Variants in RBM19 observed in about 807,000 individuals in gnomAD.
RBM19 encodes RNA binding motif protein 19, also known as probable RNA-binding protein 19.
In RBM19, 94 loss-of-function variants were observed where a neutral mutation model predicts 116.8. That is an observed-to-expected ratio of 0.80 (90% CI 0.68 to 0.95). RBM19 has a LOEUF of 0.95. Ranked by LOEUF, RBM19 falls within the 40% of genes least tolerant of loss-of-function variation. The pLI is 0.00. For missense variants in RBM19, 1,161 were observed against 1,220.7 expected (o/e 0.95, Z 0.73); for synonymous variants, 475 against 494.1 (o/e 0.96, Z 0.51).
At chr12:113,904,686 C>T (rs953235362) in intron 21 of RBM19, among the ~76,000 whole-genome samples, 1 of 152,170 alleles carries the variant, frequency 6.6e-6, no homozygotes, top group Non-Finnish European at 1.5e-5. Context: ...CCCCCAAACA[C>T]ACATAGACAC....
intron 21 of RBM19, among the ~76,000 whole-genome samples, chr12:113,912,848 C>T (rs1244764529): frequency 1.3e-5 from 2 of 152,176 alleles, no homozygotes; most frequent in Middle Eastern, 3.2e-3. Context: ...TCTGGGGCTT[C>T]CCTGGACAAT....
At chr12:113,823,440 G>A (rs1874596303) in intron 23 of RBM19, 119 bp from the exon 24 acceptor site, 2 of 793,808 alleles carry the variant, frequency 2.5e-6, no homozygotes, top group Non-Finnish European at 4.1e-6. Context: ...CAAGGGTGCG[G>A]GGAGACAGAA....
downstream of RBM19, among the ~76,000 whole-genome samples, chr12:113,821,184 AC>A (rs1874391789): frequency 6.6e-6 from 1 of 152,042 alleles, no homozygotes; most frequent in Non-Finnish European, 1.5e-5. Flanking sequence ...ATGTCTGCTC[AC>A]CCCGCACCAA....
At chr12:113,931,884 T>C (rs1008590176) in intron 16 of RBM19, among the ~76,000 whole-genome samples, 1 of 152,196 alleles carries the variant, frequency 6.6e-6, no homozygotes, top group Non-Finnish European at 1.5e-5. Flanking sequence ...CAGAGCCCTG[T>C]CCTATTCCAT....
intron 16 of RBM19, among the ~76,000 whole-genome samples, chr12:113,928,685 C>G (rs1869347020): frequency 7.1e-6 from 1 of 140,352 alleles, no homozygotes; most frequent in African/African-American, 2.7e-5. Context: ...GAGTTGGGAA[C>G]AGGGAGACTA....
chr12:113,858,817 C>T lies in RBM19; in HGVS notation c.2638G>A (p.Asp880Asn). Reference protein sequence around the residue: ...TGTHRGFGFVDFLTKQDAKRA... With the variant: ...TGTHRGFGFVNFLTKQDAKRA... The stretch of plus-strand genomic sequence containing the variant: ...TTCGCATCCTGCTTGGTGAGGAAGT[C>T]CACAAAGCCGAAGCCTCTGTGTGTG... Residue 880 changes from aspartate to asparagine, a missense_variant, in exon 22 of 24, where the codon GAC becomes AAC. Transcript: ENST00000261741. 6.2e-7 allele frequency: 1 copy of T among 1,614,104 alleles called. No individual in the cohort carries two copies. The highest frequency in any genetic ancestry group is 1.3e-5 in the African/African-American group (1 of 75,020).
rs753140914 is a variant in RBM19 at position 113,945,815 on chromosome 12, G to A, written c.1626+13C>T. 14 of 1,528,152 alleles carry A rather than the reference G, an allele frequency of 9.2e-6. No homozygotes were observed. The highest frequency in any genetic ancestry group is 6.7e-5 in the Admixed American group (4 of 59,588). The allele number at this position is 1,528,152 out of a possible 1,614,324, so 94.7% of individuals were successfully genotyped here. A position where few individuals can be genotyped will look rare whatever the true frequency, so the allele number is the denominator to read the frequency against. On this transcript the variant is annotated intron_variant, in intron 13 of 23. Coordinates refer to ENST00000261741, the MANE Select transcript of RBM19 (RefSeq NM_016196.4). Reference sequence around the variant, plus strand: ...GCCCAGATCCCAGAGAGGACTGGTCGGCCCTTACTCACGTGGTCAAACACT... The same window carrying A: ...GCCCAGATCCCAGAGAGGACTGGTCAGCCCTTACTCACGTGGTCAAACACT...
At chr12:113,957,462 G>A (rs1872042296) in intron 6 of RBM19, among the ~76,000 whole-genome samples, 1 of 152,132 alleles carries the variant, frequency 6.6e-6, no homozygotes, top group Non-Finnish European at 1.5e-5. Flanking sequence ...AGCTACTCAG[G>A]AGGCTGAGGC....
intron 13 of RBM19, among the ~76,000 whole-genome samples, 166 bp from the exon 14 acceptor site, chr12:113,942,600 T>A (rs1199943842): frequency 6.6e-6 from 1 of 150,780 alleles, no homozygotes; most frequent in African/African-American, 2.4e-5. Context: ...TGTGCTTTTT[T>A]TTTTTTTTTT....
chr12:113,926,003 A>G (rs1317416473), intron 17 of RBM19, among the ~76,000 whole-genome samples: 1 of 152,234 alleles, frequency 6.6e-6, no homozygotes, highest in Non-Finnish European at 1.5e-5. Context: ...GTGGGTTTCC[A>G]ATTGCTGAAG....
At chr12:113,872,374 A>T (rs75196884) in intron 21 of RBM19, among the ~76,000 whole-genome samples, 26 of 138,140 alleles carry the variant, frequency 1.9e-4, no homozygotes, top group Non-Finnish European at 3.7e-4. Flanking sequence ...CCCGGCAGCC[A>T]CCCCGTCCGG....
intron 23 of RBM19, among the ~76,000 whole-genome samples, chr12:113,828,692 G>A (rs564598061): frequency 1.3e-5 from 2 of 152,280 alleles, no homozygotes; most frequent in African/African-American, 4.8e-5. Flanking sequence ...GGTACCGCAG[G>A]GGGGCTGGGC....
intron 21 of RBM19, among the ~76,000 whole-genome samples, chr12:113,869,373 A>G (rs924487349): frequency 1.3e-5 from 2 of 152,246 alleles, no homozygotes; most frequent in East Asian, 3.9e-4. Context: ...TCCCTTGGGC[A>G]GGGCAAGCCC....
At position 113,947,466 on chromosome 12, in the gene RBM19, T is replaced by G; in HGVS notation, c.1277-2A>C. ...GGTAGTGGAGCTCAGACAGGGGACC[T>G]GAGGACAGGAGAAGTGTCGGTCTCT... On this transcript the variant is annotated splice_acceptor_variant, in intron 10 of 23. Coordinates refer to ENST00000261741, the MANE Select transcript of RBM19 (RefSeq NM_016196.4). LOFTEE classifies it high-confidence loss of function. 6.3e-7 allele frequency: 1 copy of G among 1,595,208 alleles called. No homozygotes were observed. Among genetic ancestry groups the G allele is most frequent in the Non-Finnish European group, 8.6e-7 (1 of 1,164,982 alleles).
At chr12:113,864,517 C>T (rs1878661233) in intron 21 of RBM19, among the ~76,000 whole-genome samples, 1 of 152,204 alleles carries the variant, frequency 6.6e-6, no homozygotes. Context: ...ACCATTCCCA[C>T]TGAGCAAGAA....
At chr12:113,820,035 G>C (rs1874307980), downstream of RBM19, among the ~76,000 whole-genome samples, 2 of 151,098 alleles carry the variant, frequency 1.3e-5, no homozygotes, top group Admixed American at 1.3e-4. Context: ...GACTGAGAGG[G>C]ACAGGGGATG....
intron 21 of RBM19, among the ~76,000 whole-genome samples, chr12:113,864,773 T>C (rs1878682244): frequency 6.6e-6 from 1 of 152,218 alleles, no homozygotes; most frequent in African/African-American, 2.4e-5. Context: ...AAGCCTTTGG[T>C]GAGGGCTTGT....
chr12:113,935,194 G>A (rs112293911), intron 16 of RBM19, among the ~76,000 whole-genome samples: 5,758 of 152,254 alleles, frequency 0.038, 140 homozygotes, highest in African/African-American at 0.041. Flanking sequence ...CGTGTCCCCA[G>A]CCTGCCTCCT....
intron 1 of RBM19, 178 bp downstream of exon 1, chr12:113,966,014 C>T (rs1872837437): frequency 2.9e-6 from 2 of 678,836 alleles, no homozygotes; most frequent in Admixed American, 2.7e-5. Context: ...GTCACTATTC[C>T]TCTTTCCTCG....
Sources: gnomAD v4.1 joint callset for allele counts (sites outside exome capture counted in the v4.1 genomes callset) on GRCh38, gnomAD v4.1.1 for gene constraint, MANE v1.5 for transcripts, NCBI Gene and HGNC (gene_info 2026-07-23, HGNC 2026-07-21) for gene names.